Variants in PRKCA observed in about 807,000 individuals in gnomAD.
The protein encoded by PRKCA is protein kinase C alpha type.
In PRKCA, 27 loss-of-function variants were observed where a neutral mutation model predicts 87.0. The ratio of observed to expected loss-of-function variants is 0.31; its 90% CI spans 0.23 to 0.43. The LOEUF is 0.43. Among genes scored for constraint, PRKCA ranks in the 20% least tolerant of loss-of-function variants. The probability of loss-of-function intolerance (pLI) is 1.00; values close to 1 mark genes in which losing one functional copy is unlikely to be tolerated. For synonymous variants in PRKCA, 329 were observed against 311.1 expected (o/e 1.06, Z -0.61); for missense variants, 518 against 852.3 (o/e 0.61, Z 4.88).
At chr17:66,797,840 G>A (rs541756451) in intron 16 of PRKCA, among the ~76,000 whole-genome samples, 3 of 152,336 alleles carry the variant, frequency 2.0e-5, no homozygotes, top group South Asian at 4.1e-4. Context: ...CGTGTGGTAC[G>A]TCACATCCCA....
At chr17:66,694,343 A>G (rs1181713939) in intron 8 of PRKCA, among the ~76,000 whole-genome samples, 1 of 151,876 alleles carries the variant, frequency 6.6e-6, no homozygotes, top group African/African-American at 2.4e-5. Flanking sequence ...TTAGCCGGGC[A>G]TAGTGGCGGG....
At chr17:66,606,984 G>T (rs950658785) in intron 3 of PRKCA, among the ~76,000 whole-genome samples, 10 of 152,118 alleles carry the variant, frequency 6.6e-5, no homozygotes, top group African/African-American at 2.4e-4. Context: ...TAATTAAAAT[G>T]ACCCAGCGAT....
chr17:66,683,052 A>G (rs1299245068), intron 5 of PRKCA, among the ~76,000 whole-genome samples: 9 of 151,628 alleles, frequency 5.9e-5, no homozygotes, highest in Non-Finnish European at 1.2e-4. Flanking sequence ...TTGAAGCAGC[A>G]AAGACTTCTG....
intron 2 of PRKCA, among the ~76,000 whole-genome samples, chr17:66,375,327 A>C (rs1909361582): frequency 6.6e-6 from 1 of 152,174 alleles, no homozygotes; most frequent in Non-Finnish European, 1.5e-5. Context: ...GTCTCAGAAG[A>C]CTTAAGGGTA....
intron 3 of PRKCA, among the ~76,000 whole-genome samples, chr17:66,552,758 G>T (rs983363577): frequency 6.6e-6 from 1 of 152,046 alleles, no homozygotes; most frequent in South Asian, 2.1e-4. Flanking sequence ...TGAGCCACTA[G>T]GTCCAGCCCA....
chr17:66,552,375 C>G (rs967602599), intron 3 of PRKCA, among the ~76,000 whole-genome samples: 1 of 152,168 alleles, frequency 6.6e-6, no homozygotes, highest in African/African-American at 2.4e-5. Context: ...TAAAGCAACA[C>G]CATTTATTTT....
chr17:66,804,160 A>G lies in PRKCA; in HGVS notation c.*123A>G. On this transcript the variant is annotated 3_prime_UTR_variant, in exon 17 of 17. Coordinates refer to ENST00000413366, the MANE Select transcript of PRKCA (RefSeq NM_002737.3). ...TCTGATTCCATATGGAGGCCTGAAAATTGTAGGGTTATTAGTCCAAATGTG... is the reference window on the plus strand; with the variant it reads ...TCTGATTCCATATGGAGGCCTGAAAGTTGTAGGGTTATTAGTCCAAATGTG... 4 of 1,348,098 alleles carry G rather than the reference A, an allele frequency of 3.0e-6. No individual in the cohort carries two copies. Among genetic ancestry groups the G allele is most frequent in the Non-Finnish European group, 3.0e-6 (3 of 1,008,438 alleles). 83.5% of individuals were successfully genotyped at this position (1,348,098 alleles called of 1,614,324 possible). A position where few individuals can be genotyped will look rare whatever the true frequency, so the allele number is the denominator to read the frequency against.
At chr17:66,602,675 A>G (rs1352194607) in intron 3 of PRKCA, among the ~76,000 whole-genome samples, 1 of 152,260 alleles carries the variant, frequency 6.6e-6, no homozygotes, top group African/African-American at 2.4e-5. Flanking sequence ...CTGTAGAATG[A>G]GAGAAAATAT....
intron 5 of PRKCA, among the ~76,000 whole-genome samples, chr17:66,669,438 C>G (rs1458275363): frequency 1.3e-5 from 2 of 151,814 alleles, no homozygotes; most frequent in African/African-American, 4.8e-5. Context: ...AAATGGAAGA[C>G]TGGGAACAGG....
chr17:66,663,838 T>TTTG (rs918938016), intron 5 of PRKCA, among the ~76,000 whole-genome samples: 4 of 151,152 alleles, frequency 2.6e-5, no homozygotes, highest in South Asian at 2.1e-4. Context: ...TGGAGTGTTT[T>TTTG]TTGTTGTTGT....
At chr17:66,609,328 G>A (rs1970289458) in intron 3 of PRKCA, among the ~76,000 whole-genome samples, 1 of 152,176 alleles carries the variant, frequency 6.6e-6, no homozygotes. Context: ...TAGTTAGTGT[G>A]TGAGGCCACT....
intron 13 of PRKCA, among the ~76,000 whole-genome samples, chr17:66,764,514 A>G (rs1353044089): frequency 1.3e-5 from 2 of 152,154 alleles, no homozygotes; most frequent in South Asian, 2.1e-4. Flanking sequence ...AAGCTCATTC[A>G]TATCTCACTT....
At chr17:66,336,537 T>C (rs1363622892) in intron 2 of PRKCA, among the ~76,000 whole-genome samples, 2 of 143,730 alleles carry the variant, frequency 1.4e-5, no homozygotes, top group Admixed American at 6.9e-5. Flanking sequence ...TTTTTTCTTA[T>C]AGGATTTGGC....
intron 2 of PRKCA, among the ~76,000 whole-genome samples, chr17:66,417,667 G>A (rs944665543): frequency 3.9e-5 from 6 of 152,126 alleles, no homozygotes; most frequent in East Asian, 1.9e-4. Context: ...ACTGCAAAGC[G>A]ACAGCTACCT....
intron 3 of PRKCA, among the ~76,000 whole-genome samples, chr17:66,552,426 G>T (rs1384078850): frequency 6.6e-6 from 1 of 152,214 alleles, no homozygotes; most frequent in African/African-American, 2.4e-5. Flanking sequence ...GCGTGCTTGT[G>T]ATTGAGGGTT....
chr17:66,709,433 C>T (rs1041560544), intron 8 of PRKCA, among the ~76,000 whole-genome samples: 1 of 150,910 alleles, frequency 6.6e-6, no homozygotes, highest in African/African-American at 2.4e-5. Context: ...GCCTCAGCCT[C>T]CCAAGTAGCT....
intron 2 of PRKCA, chr17:66,340,161 G>A (rs1319131713): frequency 6.6e-6 from 1 of 152,074 alleles, no homozygotes; most frequent in East Asian, 1.9e-4. Context: ...CAGATAAAAA[G>A]GACATTTTAG....
intron 2 of PRKCA, among the ~76,000 whole-genome samples, chr17:66,476,566 G>A (rs1449963280): frequency 6.6e-6 from 1 of 152,144 alleles, no homozygotes; most frequent in African/African-American, 2.4e-5. Context: ...CTGGTTCTCT[G>A]CCATTACCTC....
At chr17:66,630,743 G>C (rs775973509) in intron 3 of PRKCA, among the ~76,000 whole-genome samples, 7 of 152,218 alleles carry the variant, frequency 4.6e-5, no homozygotes, top group African/African-American at 1.4e-4. Flanking sequence ...CAAGGTGGAC[G>C]GTTTCATTGG....
Sources: gnomAD v4.1 joint callset for allele counts (sites outside exome capture counted in the v4.1 genomes callset) on GRCh38, gnomAD v4.1.1 for gene constraint, MANE v1.5 for transcripts, NCBI Gene and HGNC (gene_info 2026-07-23, HGNC 2026-07-21) for gene names.